Variants in GRM7 observed in about 807,000 individuals in gnomAD.
GRM7 encodes the protein metabotropic glutamate receptor 7.
In GRM7, 35 loss-of-function variants were observed where a neutral mutation model predicts 84.5. That is an observed-to-expected ratio of 0.41 (90% CI 0.32 to 0.55). The LOEUF (loss-of-function observed/expected upper bound fraction) is 0.55. GRM7 is among the 20% of genes least tolerant of loss of function. GRM7 has a pLI of 0.19. For synonymous variants in GRM7, 487 were observed against 455.1 expected, an observed-to-expected ratio of 1.07 and a Z score of -0.89; for missense variants, 1,003 against 1,194.6, an observed-to-expected ratio of 0.84 and a Z score of 2.36.
At chr3:7,729,513 G>A (rs1702237523) in intron 9 of GRM7, among the ~76,000 whole-genome samples, 2 of 152,090 alleles carry the variant, frequency 1.3e-5, no homozygotes, top group South Asian at 4.1e-4. Context: ...ATATTACTGA[G>A]TCAACAATAT....
intron 1 of GRM7, among the ~76,000 whole-genome samples, chr3:7,127,795 C>T (rs567746448): frequency 1.3e-5 from 2 of 152,050 alleles, no homozygotes; most frequent in South Asian, 4.2e-4. Flanking sequence ...GTTTTACTTC[C>T]AATACTGTTA....
intron 1 of GRM7, among the ~76,000 whole-genome samples, chr3:6,906,260 G>A (rs1342292246): frequency 6.6e-6 from 1 of 152,116 alleles, no homozygotes; most frequent in South Asian, 2.1e-4. Context: ...CAGCAAGACA[G>A]GTCAAGCTCC....
At chr3:7,165,375 T>A (rs190527080) in intron 2 of GRM7, among the ~76,000 whole-genome samples, 1 of 152,224 alleles carries the variant, frequency 6.6e-6, no homozygotes, top group East Asian at 1.9e-4. Flanking sequence ...TGAAGAAAAA[T>A]TAAACTATCA....
At chr3:7,305,932 T>G (rs1361235892) in intron 3 of GRM7, among the ~76,000 whole-genome samples, 1 of 152,188 alleles carries the variant, frequency 6.6e-6, no homozygotes, top group Admixed American at 6.5e-5. Flanking sequence ...TTCCCTTTTT[T>G]CTTTTATTTG....
chr3:7,730,442 T>C (rs895160254), intron 9 of GRM7, among the ~76,000 whole-genome samples: 1 of 152,198 alleles, frequency 6.6e-6, no homozygotes, highest in Non-Finnish European at 1.5e-5. Context: ...TGACAAATAG[T>C]AGGTGCTCAA....
chr3:7,363,680 C>A (rs1693762425), intron 4 of GRM7, among the ~76,000 whole-genome samples: 1 of 152,158 alleles, frequency 6.6e-6, no homozygotes, highest in Non-Finnish European at 1.5e-5. Context: ...TACTGGGTCT[C>A]ATCCAATATG....
chr3:7,693,514 T>G (rs1413388000), intron 9 of GRM7: 14 of 700,002 alleles, frequency 2.0e-5, no homozygotes, highest in Non-Finnish European at 3.4e-5. Context: ...TACATTTTTG[T>G]TCTTGGACCT....
At chr3:7,589,317 A>G (rs1157822462) in intron 8 of GRM7, among the ~76,000 whole-genome samples, 1 of 152,236 alleles carries the variant, frequency 6.6e-6, no homozygotes, top group Non-Finnish European at 1.5e-5. Flanking sequence ...AGATGTTTCT[A>G]CTGCCATAAA....
chr3:7,063,008 CA>C (rs1697486470), intron 1 of GRM7, among the ~76,000 whole-genome samples: 1 of 151,626 alleles, frequency 6.6e-6, no homozygotes, highest in African/African-American at 2.4e-5. Flanking sequence ...TGGTAGAAAC[CA>C]GAAAGTCATA....
At chr3:6,957,044 T>A (rs62235449) in intron 1 of GRM7, among the ~76,000 whole-genome samples, 33,947 of 152,110 alleles carry the variant, frequency 0.22, 3,971 homozygotes, top group Non-Finnish European at 0.26. Context: ...GATATAGCGT[T>A]ATAATTTTCC....
At chr3:7,503,345 A>G (rs931509658) in intron 7 of GRM7, among the ~76,000 whole-genome samples, 2 of 151,970 alleles carry the variant, frequency 1.3e-5, no homozygotes, top group Non-Finnish European at 1.5e-5. Flanking sequence ...TCTTTTCTAG[A>G]TGACAGTGAC....
intron 2 of GRM7, among the ~76,000 whole-genome samples, chr3:7,227,606 GA>G (rs1203756063): frequency 6.6e-6 from 1 of 152,150 alleles, no homozygotes; most frequent in African/African-American, 2.4e-5. Context: ...CTGTTAAAAT[GA>G]AATGGTAAAC....
chr3:6,964,247 A>G (rs1693412711), intron 1 of GRM7, among the ~76,000 whole-genome samples: 1 of 152,142 alleles, frequency 6.6e-6, no homozygotes, highest in African/African-American at 2.4e-5. Flanking sequence ...ACAGTTCTGT[A>G]GTCTAGAAGT....
At chr3:7,313,643 C>T (rs1700483665) in intron 4 of GRM7, among the ~76,000 whole-genome samples, 1 of 152,018 alleles carries the variant, frequency 6.6e-6, no homozygotes, top group Non-Finnish European at 1.5e-5. Flanking sequence ...TAAGTCATTA[C>T]TGTAGAGTGA....
chr3:7,648,938 G>C (rs1324982520), intron 8 of GRM7, among the ~76,000 whole-genome samples: 1 of 152,046 alleles, frequency 6.6e-6, no homozygotes, highest in Admixed American at 6.5e-5. Flanking sequence ...AGAGTGGCCT[G>C]AGACTTTGGT....
intron 1 of GRM7, among the ~76,000 whole-genome samples, chr3:6,897,800 T>G (rs1025951696): frequency 4.6e-5 from 7 of 152,188 alleles, no homozygotes; most frequent in African/African-American, 1.7e-4. Flanking sequence ...GAGCAGGATG[T>G]AGGGAAACAG....
At chr3:7,086,340 A>G (rs749355315) in intron 1 of GRM7, among the ~76,000 whole-genome samples, 1 of 150,184 alleles carries the variant, frequency 6.7e-6, no homozygotes, top group Non-Finnish European at 1.5e-5. Flanking sequence ...ATCTTAAAAT[A>G]AAAAAGATCC....
intron 7 of GRM7, among the ~76,000 whole-genome samples, chr3:7,569,116 C>G (rs1351144394): frequency 6.6e-6 from 1 of 152,162 alleles, no homozygotes; most frequent in Non-Finnish European, 1.5e-5. Context: ...TGTAAATACA[C>G]CTATCAGCAC....
intron 4 of GRM7, among the ~76,000 whole-genome samples, chr3:7,316,482 A>T (rs1449445593): frequency 6.6e-6 from 1 of 152,186 alleles, no homozygotes; most frequent in African/African-American, 2.4e-5. Context: ...AGGGTGAACC[A>T]GGGTGTAATG....
Sources: allele counts gnomAD v4.1 joint callset (sites outside exome capture counted in the v4.1 genomes callset), GRCh38; gene constraint gnomAD v4.1.1; transcripts MANE v1.5; gene names NCBI Gene and HGNC (gene_info 2026-07-23, HGNC 2026-07-21).